Variants in SFXN5 observed in about 807,000 individuals in gnomAD.
SFXN5 encodes the protein sideroflexin-5.
SFXN5 carries 43 observed loss-of-function variants against 50.2 expected under a neutral mutation model. The observed-to-expected ratio is 0.86, with a 90% CI of 0.67 to 1.11. The LOEUF (loss-of-function observed/expected upper bound fraction) is 1.11, where lower values mean the gene tolerates loss of function less well. Ranked by LOEUF, SFXN5 falls within the 50% of genes least tolerant of loss-of-function variation. SFXN5 has a pLI of 0.00. For missense variants in SFXN5, 463 were observed against 454.1 expected, an observed-to-expected ratio of 1.02 and a Z score of -0.18; for synonymous variants, 203 against 185.8, an observed-to-expected ratio of 1.09 and a Z score of -0.75.
In SFXN5 at chr2:72,988,345, C is replaced by T. The variant is rs1348897590; in HGVS notation, c.538G>A (p.Gly180Ser). ...GCTTTCTGAACCAGGACATTAAGGC[C>T]CACCTTTGAAAGAAAAAAATAAAAA... ...AVISAVSIAV[G>S]LNVLVQKANK... The change falls in exon 10 of 14, where the codon GGC (glycine) becomes AGC (serine). Residue 180 changes from glycine to serine, a missense_variant. Transcript: ENST00000272433. 2 of 1,613,538 alleles carry T rather than the reference C, an allele frequency of 1.2e-6. No homozygotes were observed. The highest frequency in any genetic ancestry group is 3.3e-5 in the Admixed American group (2 of 59,930).
chr2:73,028,274 G>T (rs992406732), intron 3 of SFXN5, among the ~76,000 whole-genome samples: 2 of 152,216 alleles, frequency 1.3e-5, no homozygotes. Context: ...TATAAGTTAA[G>T]CCCAATGGGA....
At chr2:72,986,158 C>G (rs575136268) in intron 10 of SFXN5, among the ~76,000 whole-genome samples, 1 of 152,304 alleles carries the variant, frequency 6.6e-6, no homozygotes, top group East Asian at 1.9e-4. Context: ...TAATGGCCCA[C>G]GACAGAAATA....
At chr2:72,962,456 A>C (rs1673858440) in intron 12 of SFXN5, among the ~76,000 whole-genome samples, 1 of 152,266 alleles carries the variant, frequency 6.6e-6, no homozygotes, top group Admixed American at 6.5e-5. Flanking sequence ...GTTAAAGTGC[A>C]TCAGCTGGAC....
At chr2:72,998,744 C>T (rs1673551273) in intron 9 of SFXN5, 1 of 578,230 alleles carries the variant, frequency 1.7e-6, no homozygotes, top group African/African-American at 1.9e-5. Context: ...CCCACCTGCT[C>T]TCCATTACAG....
chr2:72,992,553 C>G lies in SFXN5; in HGVS notation c.535-4205G>C, dbSNP rs1385954382. ...TTCCTCACCCACACCCCAGCCTCCT[C>G]GCCCATTTCCAGCTCTGCTTCTCAT... On this transcript the variant is annotated intron_variant, in intron 9 of 13. Transcript: ENST00000272433. This position sits in a 1 kb window ranked among gnomAD's most constrained non-coding sequence, Gnocchi z 4.5. 6.6e-6 allele frequency among the ~76,000 whole-genome samples: 1 copy of G among 152,226 alleles called. No homozygotes were observed. The highest frequency in any genetic ancestry group is 2.1e-4 in the South Asian group (1 of 4,828).
At chr2:72,981,965 TTGTGTGTGTGTGTGTGTGTG>T (rs10582006) in intron 10 of SFXN5, among the ~76,000 whole-genome samples, 3 of 145,610 alleles carry the variant, frequency 2.1e-5, no homozygotes, top group African/African-American at 7.6e-5. Flanking sequence ...CACTGGAACT[TTGTGTGTGTGTGTGTGTGTG>T]TGTGTGTGTG....
intron 9 of SFXN5, chr2:72,997,931 G>A (rs2105664383): frequency 1.3e-5 from 2 of 152,216 alleles, no homozygotes; most frequent in Non-Finnish European, 2.9e-5. Context: ...TGTTGCCCAG[G>A]TTGGAGTGCA....
chr2:73,056,492 C>A (rs974270904), intron 2 of SFXN5, among the ~76,000 whole-genome samples: 1 of 151,920 alleles, frequency 6.6e-6, no homozygotes, highest in Admixed American at 6.6e-5. Context: ...TCAAGACCAG[C>A]CTGACCAACA....
At chr2:72,987,926 G>A (rs779848028) in intron 10 of SFXN5, among the ~76,000 whole-genome samples, 15 of 152,228 alleles carry the variant, frequency 9.9e-5, no homozygotes, top group Admixed American at 2.6e-4. Context: ...GCCTGCATTC[G>A]TAACGGAAGG....
rs141886847 is a variant in SFXN5 at position 72,992,392 on chromosome 2, G to C, written c.535-4044C>G. The stretch of plus-strand genomic sequence containing the variant: ...AGCAAGGAGACACTGGATGAGGCTG[G>C]AAGAATGCCTGCATCCCTCTCCCCG... On this transcript the variant is annotated intron_variant, in intron 9 of 13. Transcript: ENST00000272433. The surrounding 1 kb of genome is among the most constrained non-coding windows in gnomAD (Gnocchi z 4.5). Among the ~76,000 whole-genome samples, 1 of 152,296 alleles carries C rather than the reference G, an allele frequency of 6.6e-6. No homozygotes were observed. Among genetic ancestry groups the C allele is most frequent in the Non-Finnish European group, 1.5e-5 (1 of 68,014 alleles).
chr2:73,047,646 C>T (rs992393915), intron 2 of SFXN5, among the ~76,000 whole-genome samples: 2 of 152,020 alleles, frequency 1.3e-5, no homozygotes, highest in African/African-American at 4.8e-5. Flanking sequence ...CTCTTGCCTG[C>T]CGCCATGTAA....
At chr2:73,019,990 C>T (rs540936266) in intron 6 of SFXN5, 6 of 442,454 alleles carry the variant, frequency 1.4e-5, no homozygotes, top group African/African-American at 8.1e-5. Flanking sequence ...GGACAGAAAA[C>T]GTGCAGGGAA....
In SFXN5 at chr2:72,943,263, C is replaced by A. The variant is rs1327742167; in HGVS notation, c.*1759G>T. On this transcript the variant is annotated 3_prime_UTR_variant, in exon 14 of 14. Coordinates refer to ENST00000272433, the MANE Select transcript of SFXN5 (RefSeq NM_144579.3). ...GGCCATGCCCATGGAAGGCCCACCT[C>A]AGCACACTTCCCCTACCCTAAGATG... The A allele has an allele frequency of 1.3e-5, 2 of 152,346 alleles. No homozygotes were observed. Among genetic ancestry groups the A allele is most frequent in the African/African-American group, 4.8e-5 (2 of 41,464 alleles). 9.4% of individuals were successfully genotyped at this position (152,346 alleles called of 1,614,324 possible). A position where few individuals can be genotyped will look rare whatever the true frequency, so the allele number is the denominator to read the frequency against.
chr2:73,046,870 C>T (rs1410741638), intron 2 of SFXN5, among the ~76,000 whole-genome samples: 1 of 151,448 alleles, frequency 6.6e-6, no homozygotes, highest in Non-Finnish European at 1.5e-5. Flanking sequence ...GTTATTTTTT[C>T]CTTTTTTTTT....
intron 2 of SFXN5, among the ~76,000 whole-genome samples, chr2:73,055,046 AG>A (rs904299356): frequency 2.6e-5 from 4 of 152,290 alleles, no homozygotes; most frequent in African/African-American, 9.6e-5. Context: ...CCTGGACATG[AG>A]GGGGGATGGT....
intron 2 of SFXN5, 86 bp from the exon 3 acceptor site, chr2:73,041,017 A>G (rs959144777): frequency 2.3e-5 from 25 of 1,069,758 alleles, no homozygotes; most frequent in Non-Finnish European, 3.3e-5. Flanking sequence ...TCAGTATCAA[A>G]TACTGCCAGT....
chr2:73,050,057 T>C (rs1325857985), intron 2 of SFXN5, among the ~76,000 whole-genome samples: 1 of 151,686 alleles, frequency 6.6e-6, no homozygotes, highest in African/African-American at 2.4e-5. Context: ...AGAATCATCT[T>C]TGATTCCATG....
At chr2:73,036,901 C>A in intron 3 of SFXN5, among the ~76,000 whole-genome samples, 1 of 152,324 alleles carries the variant, frequency 6.6e-6, no homozygotes, top group East Asian at 1.9e-4. Flanking sequence ...GAGATCGCAG[C>A]CTGCCCTCCC....
At chr2:73,008,577 C>G (rs1675061387) in intron 6 of SFXN5, among the ~76,000 whole-genome samples, 2 of 152,176 alleles carry the variant, frequency 1.3e-5, no homozygotes, top group South Asian at 4.1e-4. Context: ...GGCCCTGCCT[C>G]TCCCAGGCCA....
Sources: gnomAD v4.1 joint callset for allele counts (sites outside exome capture counted in the v4.1 genomes callset) on GRCh38, gnomAD v4.1.1 for gene constraint, Gnocchi (gnomAD v3.1) non-coding constraint, MANE v1.5 for transcripts, NCBI Gene and HGNC (gene_info 2026-07-23, HGNC 2026-07-21) for gene names.